The following TBL1X variants were observed in gnomAD, a reference collection of about 807,000 sequenced individuals.
TBL1X encodes the protein transducin beta like 1 X-linked.
TBL1X carries 10 observed loss-of-function variants against 50.7 expected under a neutral mutation model. The observed-to-expected ratio is 0.20, with a 90% CI of 0.12 to 0.33. TBL1X has a LOEUF of 0.33. Ranked by LOEUF, TBL1X falls within the 10% of genes least tolerant of loss-of-function variation. The pLI is 1.00. For missense variants in TBL1X, 340 were observed against 504.4 expected, an observed-to-expected ratio of 0.67 and a Z score of 3.12; for synonymous variants, 190 against 214.7, an observed-to-expected ratio of 0.88 and a Z score of 1.01.
chrX:9,482,833 A>ACC (rs918530826), intron 1 of TBL1X, among the ~76,000 whole-genome samples: 2 of 109,825 alleles, frequency 1.8e-5, no homozygotes, highest in African/African-American at 6.6e-5. Flanking sequence ...GAGCTAATCC[A>ACC]CCCCCCATCT....
intron 2 of TBL1X, among the ~76,000 whole-genome samples, chrX:9,595,652 G>A (rs1039441596): frequency 9.0e-6 from 1 of 111,644 alleles, no homozygotes; most frequent in African/African-American, 3.3e-5. Context: ...AATCCTTAGG[G>A]TGGACTAAGC....
At chrX:9,654,718 A>G (rs948238332) in intron 5 of TBL1X, among the ~76,000 whole-genome samples, 2 of 110,929 alleles carry the variant, frequency 1.8e-5, no homozygotes, top group Non-Finnish European at 3.8e-5. Flanking sequence ...CGCCCCCTAA[A>G]TGGGCTGCTA....
rs374140692 is a variant in TBL1X at position 9,596,751 on chromosome X, G to A, written c.-130-43522G>A. ...AATCTCCTTTCCTCTGAGCTCAGGG[G>A]AGGGACGTGACTCCTGCGAGCTGCC... On this transcript the variant is annotated intron_variant, in intron 2 of 17. Coordinates refer to ENST00000645353, the MANE Select transcript of TBL1X (RefSeq NM_005647.4). Among the ~76,000 whole-genome samples, 8 of 111,176 alleles carry A rather than the reference G, an allele frequency of 7.2e-5. No individual in the cohort carries two copies. In the East Asian group the frequency reaches 2.0e-3, roughly 27 times the overall value.
chrX:9,515,397 T>C (rs1294099765), intron 2 of TBL1X, among the ~76,000 whole-genome samples: 1 of 112,024 alleles, frequency 8.9e-6, no homozygotes. Context: ...GCACAGGATG[T>C]GGCAGAATGA....
intron 2 of TBL1X, among the ~76,000 whole-genome samples, chrX:9,608,493 A>G (rs2082595372): frequency 9.0e-6 from 1 of 111,486 alleles, no homozygotes; most frequent in Non-Finnish European, 1.9e-5. Context: ...CCTAGTTTGG[A>G]GTCAGCTTCC....
intron 2 of TBL1X, among the ~76,000 whole-genome samples, chrX:9,613,174 A>C (rs1033908361): frequency 4.5e-5 from 5 of 111,549 alleles, no homozygotes; most frequent in African/African-American, 1.6e-4. Flanking sequence ...AAAAAATGCT[A>C]TGGGTCAATA....
Position 9,684,071 on chromosome X carries a change from G to A in TBL1X, c.240G>A (p.Gly80=). The change falls in exon 6 of 18, where the codon GGG becomes GGA. Residue 80 remains glycine (G), a synonymous_variant. Coordinates refer to ENST00000645353, the MANE Select transcript of TBL1X (RefSeq NM_005647.4). ...TTTCCCACTCGGCTTTCACGTTTGG[G>A]ATTGAGAGCCACATCAGCCAGTCCA... The part of the protein sequence containing the change: ...SGFSHSAFTF[G]IESHISQSNI... The A allele has an allele frequency of 2.5e-6, 3 of 1,211,745 alleles. No homozygotes were observed. Among genetic ancestry groups the A allele is most frequent in the Non-Finnish European group, 3.3e-6 (3 of 895,580 alleles).
In TBL1X at chrX:9,618,547, C is replaced by T. The variant is rs1161913589; in HGVS notation, c.-130-21726C>T. On this transcript the variant is annotated intron_variant, in intron 2 of 17. Transcript: ENST00000645353. ...AAAAAAAATTAGCCGGGCATGGTGG[C>T]GCGCCCCTGTAATCCCAGCTACTTG... 6.3e-5 allele frequency among the ~76,000 whole-genome samples: 7 copies of T among 111,501 alleles called. No individual in the cohort carries two copies. In the Middle Eastern group the frequency reaches 0.014, roughly 223 times the overall value.
At chrX:9,687,555 A>C (rs898216122) in intron 6 of TBL1X, among the ~76,000 whole-genome samples, 4 of 110,807 alleles carry the variant, frequency 3.6e-5, no homozygotes, top group African/African-American at 9.9e-5. Context: ...GCACTGTTGG[A>C]TGTTGAGCAG....
intron 2 of TBL1X, among the ~76,000 whole-genome samples, chrX:9,511,855 C>A (rs952946769): frequency 3.6e-5 from 4 of 111,942 alleles, no homozygotes; most frequent in Non-Finnish European, 7.5e-5. Context: ...TACTTCTTAA[C>A]ATTTATCTGT....
rs759502355 is a variant in TBL1X at position 9,498,016 on chromosome X, A to G, written c.-200-3764A>G. Among the ~76,000 whole-genome samples, 16 of 108,260 alleles carry G rather than the reference A, an allele frequency of 1.5e-4. No homozygotes were observed. In the East Asian group the frequency reaches 4.1e-3, roughly 27 times the overall value. The allele number at this position is 108,260 out of a possible 115,157, so 94.0% of individuals were successfully genotyped here. On this transcript the variant is annotated intron_variant, in intron 1 of 17. Transcript: ENST00000645353. Reference sequence around the variant, plus strand: ...CAAAGTGCTGGGATTACAAGCATGCATGAGCCACTATGCCAGGCCTATTTT... The same window carrying G: ...CAAAGTGCTGGGATTACAAGCATGCGTGAGCCACTATGCCAGGCCTATTTT...
intron 1 of TBL1X, among the ~76,000 whole-genome samples, chrX:9,487,489 G>A (rs1037563166): frequency 1.4e-4 from 16 of 111,999 alleles, no homozygotes; most frequent in Non-Finnish European, 2.4e-4. Flanking sequence ...TCTTGTAAAT[G>A]TTCTGTCAAA....
intron 5 of TBL1X, among the ~76,000 whole-genome samples, chrX:9,670,309 TAA>T (rs940078229): frequency 1.8e-5 from 2 of 110,750 alleles, no homozygotes; most frequent in African/African-American, 6.6e-5. Context: ...TGACTCAGCA[TAA>T]GAGGACAGCT....
chrX:9,685,717 C>CTTTTTTT (rs752837096), intron 6 of TBL1X, among the ~76,000 whole-genome samples: 23 of 59,592 alleles, frequency 3.9e-4, no homozygotes, highest in African/African-American at 4.8e-4. Context: ...CTTTTCTTTT[C>CTTTTTTT]TTTTTTTTTT....
chrX:9,653,382 TCA>T (rs1443283040), intron 3 of TBL1X, among the ~76,000 whole-genome samples, 161 bp from the exon 4 acceptor site: 1 of 112,646 alleles, frequency 8.9e-6, no homozygotes, highest in Non-Finnish European at 1.9e-5. Flanking sequence ...CTTGGCTGTC[TCA>T]CACAGAAGCC....
Position 9,679,235 on chromosome X carries a change from T to A in TBL1X, c.212-4808T>A, listed in dbSNP as rs192127477. On this transcript the variant is annotated intron_variant, in intron 5 of 17. Coordinates refer to ENST00000645353, the MANE Select transcript of TBL1X (RefSeq NM_005647.4). ...GTCAATTCCCCAACCATGGTGGGGTTGATGGGACAATATTGGAAACATTTT... is the reference window on the plus strand; with the variant it reads ...GTCAATTCCCCAACCATGGTGGGGTAGATGGGACAATATTGGAAACATTTT... Among the ~76,000 whole-genome samples the A allele has an allele frequency of 4.8e-3, 518 of 108,890 alleles. 4 individuals are homozygous for A. Among genetic ancestry groups the A allele is most frequent in the African/African-American group, 0.016 (492 of 29,905 alleles). The allele number at this position is 108,890 out of a possible 115,157, so 94.6% of individuals were successfully genotyped here.
At chrX:9,698,933 T>G (rs2083151415) in intron 12 of TBL1X, among the ~76,000 whole-genome samples, 2 of 111,690 alleles carry the variant, frequency 1.8e-5, no homozygotes, top group African/African-American at 6.5e-5. Flanking sequence ...CTGTAGAGAT[T>G]CCGATTTTCC....
chrX:9,543,361 G>A (rs997903235), intron 2 of TBL1X, among the ~76,000 whole-genome samples: 1 of 111,960 alleles, frequency 8.9e-6, no homozygotes, highest in Non-Finnish European at 1.9e-5. Flanking sequence ...CAAGCTCTGC[G>A]TGTGTCTCAC....
At chrX:9,493,550 C>G (rs1322212211) in intron 1 of TBL1X, among the ~76,000 whole-genome samples, 1 of 111,078 alleles carries the variant, frequency 9.0e-6, no homozygotes, top group African/African-American at 3.3e-5. Context: ...TTGCTTGGAC[C>G]CGTGAGTTGG....
Sources: gnomAD v4.1 joint callset for allele counts (sites outside exome capture counted in the v4.1 genomes callset) on GRCh38, gnomAD v4.1.1 for gene constraint, MANE v1.5 for transcripts, NCBI Gene and HGNC (gene_info 2026-07-23, HGNC 2026-07-21) for gene names.